LOC112694756: variants seen among roughly 807,000 people sequenced by gnomAD.
chr16:30,064,061 C>T, the LOC112694756 span: 6 of 399,068 alleles, frequency 1.5e-5, no homozygotes, highest in East Asian at 7.1e-5. Flanking sequence ...AAGAGAGGGG[C>T]TAGTGCTCGG....
chr16:30,066,680 C>G, the LOC112694756 span, among the ~76,000 whole-genome samples: 1 of 152,206 alleles, frequency 6.6e-6, no homozygotes, highest in African/African-American at 2.4e-5. Flanking sequence ...CGGGCCAGCC[C>G]TGGGATCTTG....
chr16:30,054,576 A>C, the LOC112694756 span: 1 of 382,838 alleles, frequency 2.6e-6, no homozygotes, highest in Non-Finnish European at 4.6e-6. Flanking sequence ...AGAATGCTGA[A>C]GTGCTTGATG....
At chr16:30,069,920 C>T in the LOC112694756 span, 8 of 1,614,020 alleles carry the variant, frequency 5.0e-6, no homozygotes, top group Admixed American at 6.7e-5. Flanking sequence ...AAGCCCTGGG[C>T]CCTGACCTTC....
chr16:30,067,502 C>A, the LOC112694756 span: 1 of 1,613,780 alleles, frequency 6.2e-7, no homozygotes, highest in Non-Finnish European at 8.5e-7. Flanking sequence ...CCGAGGAGAA[C>A]CGGCGCTTCT....
the LOC112694756 span, chr16:30,069,865 G>A: frequency 1.9e-6 from 3 of 1,614,160 alleles, no homozygotes; most frequent in South Asian, 1.1e-5. Flanking sequence ...GAGTGAGGAG[G>A]AGGCGTCCAT....
the LOC112694756 span, chr16:30,067,651 T>C: frequency 6.2e-7 from 1 of 1,614,092 alleles, no homozygotes; most frequent in Non-Finnish European, 8.5e-7. Context: ...GGCGGTGTTG[T>C]GGGCATCAAG....
the LOC112694756 span, among the ~76,000 whole-genome samples, chr16:30,056,838 C>T: frequency 6.6e-6 from 1 of 151,310 alleles, no homozygotes; most frequent in Admixed American, 6.6e-5. Context: ...TGGGCTCAAG[C>T]GATCTGCCAT....
chr16:30,068,612 C>T, the LOC112694756 span: 6 of 1,612,448 alleles, frequency 3.7e-6, no homozygotes, highest in African/African-American at 1.3e-5. Flanking sequence ...AGGTCATTTC[C>T]TGTGTCTTAA....
the LOC112694756 span, chr16:30,065,596 C>A: frequency 2.0e-5 from 3 of 152,276 alleles, no homozygotes; most frequent in Non-Finnish European, 2.9e-5. Context: ...ATCGTGTTCT[C>A]GGCGCCCGCC....
the LOC112694756 span, among the ~76,000 whole-genome samples, chr16:30,056,105 G>GTTTTT: frequency 7.5e-5 from 9 of 119,546 alleles, no homozygotes; most frequent in South Asian, 2.8e-4. Flanking sequence ...CCCAGCCATG[G>GTTTTT]TTTTTTTTTT....
the LOC112694756 span, chr16:30,063,781 C>T: frequency 1.8e-5 from 7 of 399,294 alleles, no homozygotes; most frequent in South Asian, 1.3e-4. Flanking sequence ...TGTGCCTGTA[C>T]GTGCCAGCTC....
At chr16:30,059,931 G>A in the LOC112694756 span, among the ~76,000 whole-genome samples, 2 of 151,812 alleles carry the variant, frequency 1.3e-5, no homozygotes, top group South Asian at 2.1e-4. Flanking sequence ...TCCTTCCACC[G>A]ATTCCCGACA....
At chr16:30,066,486 C>T in the LOC112694756 span, among the ~76,000 whole-genome samples, 1 of 152,246 alleles carries the variant, frequency 6.6e-6, no homozygotes, top group African/African-American at 2.4e-5. Context: ...GTTCTTGCCC[C>T]GTAGGAACAG....
chr16:30,069,416 CAAGGT>C, the LOC112694756 span: 1 of 1,614,000 alleles, frequency 6.2e-7, no homozygotes, highest in Non-Finnish European at 8.5e-7. Flanking sequence ...CTGACCAGTG[CAAGGT>C]GGCTGGCCGG....
the LOC112694756 span, chr16:30,065,779 C>T: frequency 6.5e-6 from 1 of 152,942 alleles, no homozygotes; most frequent in East Asian, 1.9e-4. Context: ...CTGCGCCGCC[C>T]CTTCCGAGGC....
chr16:30,065,489 C>A, the LOC112694756 span, among the ~76,000 whole-genome samples: 2 of 152,194 alleles, frequency 1.3e-5, no homozygotes, highest in African/African-American at 4.8e-5. Context: ...AGTCACGGCG[C>A]CCCAGAGCGC....
chr16:30,068,468 G>T, the LOC112694756 span: 1 of 710,812 alleles, frequency 1.4e-6, no homozygotes, highest in Non-Finnish European at 2.6e-6. Context: ...GGCTAAAGAA[G>T]AGGAAAGAGG....
At chr16:30,068,912 C>G in the LOC112694756 span, 2 of 1,614,112 alleles carry the variant, frequency 1.2e-6, no homozygotes, top group Non-Finnish European at 1.7e-6. Flanking sequence ...GGGAACACAC[C>G]CCCTCAGCCC....
chr16:30,059,005 A>C, the LOC112694756 span: 8 of 398,566 alleles, frequency 2.0e-5, no homozygotes, highest in East Asian at 7.1e-5. Flanking sequence ...GTGAGAAATG[A>C]CGTGCTATGG....
Sources: gnomAD v4.1 joint callset for allele counts (sites outside exome capture counted in the v4.1 genomes callset) on GRCh38, gnomAD v4.1.1 for gene constraint, MANE v1.5 for transcripts.